BACE1: variants seen among roughly 807,000 people sequenced by gnomAD.
The protein encoded by BACE1 is beta-secretase 1, also known as APP beta-secretase.
A neutral mutation model predicts 54.0 loss-of-function variants in BACE1; 21 were observed. The observed-to-expected ratio is 0.39, with a 90% CI of 0.28 to 0.56. The LOEUF is 0.56. Among genes scored for constraint, BACE1 ranks in the 20% least tolerant of loss-of-function variants. The pLI is 0.63. For synonymous variants in BACE1, 232 were observed against 260.9 expected (o/e 0.89, Z 1.07); for missense variants, 511 against 661.2 (o/e 0.77, Z 2.49).
rs751505142 is a variant in BACE1, at chr11:117,289,758, C to A, written c.1314G>T (p.Leu438Phe). ...TGTTGTAGCCACAGTCTTCCATGTCCAAGGTGACAAAAGGGCCTTCCACCG... is the reference window on the plus strand; with the variant it reads ...TGTTGTAGCCACAGTCTTCCATGTCAAAGGTGACAAAAGGGCCTTCCACCG... The part of the protein sequence containing the change: ...TAAVEGPFVT[L>F]DMEDCGYNIP... Residue 438 changes from leucine (L) to phenylalanine (F), a missense_variant, in exon 9 of 9, where the codon TTG becomes TTT. By Grantham distance (22) the Leu-to-Phe change is conservative (BLOSUM62 0). Around this residue, in one of 2 missense-constraint regions of BACE1, gnomAD observed 407 missense variants for 565.7 expected, o/e 0.72. Coordinates refer to ENST00000313005, the MANE Select transcript of BACE1 (RefSeq NM_012104.6). 1 of 1,614,172 alleles carries A rather than the reference C, an allele frequency of 6.2e-7. No individual in the cohort carries two copies. The highest frequency in any genetic ancestry group is 8.5e-7 in the Non-Finnish European group (1 of 1,180,036).
At chr11:117,301,839 T>A (rs1838595371) in intron 1 of BACE1, among the ~76,000 whole-genome samples, 1 of 152,212 alleles carries the variant, frequency 6.6e-6, no homozygotes, top group South Asian at 2.1e-4. Context: ...TTGAATGTAT[T>A]CATTCCTTAT....
intron 5 of BACE1, 74 bp downstream of exon 5, chr11:117,292,980 T>C (rs1249489111): frequency 1.3e-6 from 2 of 1,552,358 alleles, no homozygotes. Context: ...CCTCCCAACA[T>C]GATAACCAGA....
chr11:117,311,945 C>T (rs935194571), intron 1 of BACE1, among the ~76,000 whole-genome samples: 7 of 152,184 alleles, frequency 4.6e-5, no homozygotes, highest in Admixed American at 4.6e-4. Flanking sequence ...AGCCCCCACT[C>T]TTTTTAAAAT....
intron 1 of BACE1, among the ~76,000 whole-genome samples, chr11:117,313,950 C>T (rs781592336): frequency 1.3e-5 from 2 of 152,164 alleles, no homozygotes; most frequent in Admixed American, 1.3e-4. Flanking sequence ...ATTTCCTACT[C>T]ATTTTAAAGA....
intron 1 of BACE1, among the ~76,000 whole-genome samples, chr11:117,301,201 C>G (rs182877896): frequency 3.0e-4 from 45 of 152,336 alleles, no homozygotes; most frequent in Admixed American, 1.9e-3. Context: ...CCCTCTCCCA[C>G]TAAGCCATCT....
intron 6 of BACE1, 97 bp from the exon 7 acceptor site, chr11:117,291,146 T>G: frequency 6.8e-7 from 1 of 1,461,000 alleles, no homozygotes; most frequent in African/African-American, 1.4e-5. Context: ...TCATTTGCTT[T>G]TCCAGTGAAA....
At chr11:117,297,199 T>C in intron 1 of BACE1, 1 of 459,452 alleles carries the variant, frequency 2.2e-6, no homozygotes, top group Non-Finnish European at 3.8e-6. Context: ...GCAGGTCTGC[T>C]GAAAAACCAA....
At chr11:117,291,671 C>T (rs2034441892) in intron 6 of BACE1, 41 bp downstream of exon 6, 2 of 1,433,460 alleles carry the variant, frequency 1.4e-6, no homozygotes, top group Admixed American at 1.7e-5. Context: ...CTCCCTCTGA[C>T]ACTGTACCAT....
Position 117,293,276 on chromosome 11 carries a change from T to C in BACE1, c.706-88A>G. 2 of 1,464,028 alleles carry C rather than the reference T, an allele frequency of 1.4e-6. No individual in the cohort carries two copies. Among genetic ancestry groups the C allele is most frequent in the Non-Finnish European group, 9.3e-7 (1 of 1,079,790 alleles). 90.7% of individuals were successfully genotyped at this position (1,464,028 alleles called of 1,614,324 possible). A position where few individuals can be genotyped will look rare whatever the true frequency, so the allele number is the denominator to read the frequency against. ...ACCAAGCAATAAGATCAGTGATTTC[T>C]TGGGGTGGCAAGGTCTTCTACAGGC... On this transcript the variant is annotated intron_variant, in intron 4 of 8. Coordinates refer to ENST00000313005, the MANE Select transcript of BACE1 (RefSeq NM_012104.6). This position sits in a 1 kb window ranked among gnomAD's most constrained non-coding sequence, Gnocchi z 4.1.
intron 1 of BACE1, among the ~76,000 whole-genome samples, chr11:117,301,898 TC>T (rs1332779146): frequency 6.6e-6 from 1 of 152,254 alleles, no homozygotes; most frequent in Non-Finnish European, 1.5e-5. Flanking sequence ...CCCTGGAATA[TC>T]ACAGTAGTTT....
rs540925095 is a variant in BACE1 at position 117,289,474 on chromosome 11, C to T, written c.*92G>A. On this transcript the variant is annotated 3_prime_UTR_variant, in exon 9 of 9. Transcript: ENST00000313005. ...TGGGGAGGGTCCTGAGGTGCTCTGGCCACAGGTGCCATCTGTGTCTCCTAC... is the reference window on the plus strand; with the variant it reads ...TGGGGAGGGTCCTGAGGTGCTCTGGTCACAGGTGCCATCTGTGTCTCCTAC... 1.2e-3 allele frequency: 1,892 copies of T among 1,522,016 alleles called. 1 individual carries two copies. Among genetic ancestry groups the T allele is most frequent in the Non-Finnish European group, 1.5e-3 (1,734 of 1,132,880 alleles). The allele number at this position is 1,522,016 out of a possible 1,614,324, so 94.3% of individuals were successfully genotyped here. A position where few individuals can be genotyped will look rare whatever the true frequency, so the allele number is the denominator to read the frequency against.
At chr11:117,299,977 C>T (rs1017335743) in intron 1 of BACE1, among the ~76,000 whole-genome samples, 7 of 152,062 alleles carry the variant, frequency 4.6e-5, no homozygotes, top group South Asian at 4.1e-4. Context: ...ATGGCTACTG[C>T]TTTACACTGG....
chr11:117,310,551 G>C (rs2034922653), intron 1 of BACE1, among the ~76,000 whole-genome samples: 1 of 152,146 alleles, frequency 6.6e-6, no homozygotes, highest in African/African-American at 2.4e-5. Context: ...CTCCCGAGCA[G>C]CTGGGATTAC....
chr11:117,312,583 C>T (rs967461386), intron 1 of BACE1, among the ~76,000 whole-genome samples: 3 of 152,168 alleles, frequency 2.0e-5, no homozygotes, highest in African/African-American at 7.2e-5. Context: ...CTACCTCAGC[C>T]TCCCGAGTAG....
chr11:117,306,155 G>A (rs1591867109), intron 1 of BACE1, among the ~76,000 whole-genome samples: 1 of 152,208 alleles, frequency 6.6e-6, no homozygotes, highest in South Asian at 2.1e-4. Context: ...CTGTTTGAAG[G>A]GGAGGTTTGA....
In BACE1 at chr11:117,315,473, C is replaced by T. The variant is rs777045039; in HGVS notation, c.261+62G>A. The T allele has an allele frequency of 7.8e-6, 12 of 1,543,392 alleles. No homozygotes were observed. Among genetic ancestry groups the T allele is most frequent in the African/African-American group, 1.4e-5 (1 of 69,554 alleles). On this transcript the variant is annotated intron_variant, in intron 1 of 8. Coordinates refer to ENST00000313005, the MANE Select transcript of BACE1 (RefSeq NM_012104.6). The surrounding 1 kb of genome is among the most constrained non-coding windows in gnomAD (Gnocchi z 5.5). ...TGAGCAGGGGCTAGCTTGAGGCATC[C>T]CCATCCTGTCTCCCCTCTGCTCATG... is the stretch of plus-strand genomic sequence containing the variant.
At chr11:117,299,864 G>C (rs1207325122) in intron 1 of BACE1, among the ~76,000 whole-genome samples, 1 of 152,138 alleles carries the variant, frequency 6.6e-6, no homozygotes, top group Non-Finnish European at 1.5e-5. Context: ...TCATATTACA[G>C]GGCTCCCTGC....
Position 117,315,894 on chromosome 11 carries a change from G to A in BACE1, c.-99C>T, listed in dbSNP as rs770595248. On this transcript the variant is annotated 5_prime_UTR_variant, in exon 1 of 9. Transcript: ENST00000313005. This position sits in a 1 kb window ranked among gnomAD's most constrained non-coding sequence, Gnocchi z 5.5. ...GGGTGGTGCTGGTGGCTTCTCAGGA[G>A]AGGGAGCTTGGGGGCATCAGGACGC... The A allele has an allele frequency of 3.6e-5, 48 of 1,318,054 alleles. No homozygotes were observed. The highest frequency in any genetic ancestry group is 4.7e-5 in the Non-Finnish European group (48 of 1,026,330). The allele number at this position is 1,318,054 out of a possible 1,614,324, so 81.6% of individuals were successfully genotyped here. A position where few individuals can be genotyped will look rare whatever the true frequency, so the allele number is the denominator to read the frequency against.
In BACE1 at chr11:117,287,040, G is replaced by A. The variant is rs2034283058; in HGVS notation, c.*2526C>T. The A allele has an allele frequency of 6.6e-6, 1 of 152,204 alleles. No homozygotes were observed. The highest frequency in any genetic ancestry group is 2.4e-5 in the African/African-American group (1 of 41,434). 9.4% of individuals were successfully genotyped at this position (152,204 alleles called of 1,614,324 possible). A position where few individuals can be genotyped will look rare whatever the true frequency, so the allele number is the denominator to read the frequency against. ...CCCTGCAAATTTAGAAATTGAAAAT[G>A]AGTGTAAAGCATATTGTTTCTTTTC... On this transcript the variant is annotated 3_prime_UTR_variant, in exon 9 of 9. Coordinates refer to ENST00000313005, the MANE Select transcript of BACE1 (RefSeq NM_012104.6).
Sources: gnomAD v4.1 joint callset for allele counts (sites outside exome capture counted in the v4.1 genomes callset) on GRCh38, gnomAD v4.1.1 for gene constraint, gnomAD v4.1.1 regional missense constraint, Gnocchi (gnomAD v3.1) non-coding constraint, MANE v1.5 for transcripts, NCBI Gene and HGNC (gene_info 2026-07-23, HGNC 2026-07-21) for gene names.